ARG2: variants seen among roughly 807,000 people sequenced by gnomAD.
ARG2 encodes the protein arginase 2.
ARG2 carries 21 observed loss-of-function variants against 39.4 expected under a neutral mutation model. That is an observed-to-expected ratio of 0.53 (90% confidence interval 0.38 to 0.77). The LOEUF (loss-of-function observed/expected upper bound fraction) is 0.77, where lower values mean the gene tolerates loss of function less well. Ranked by LOEUF, ARG2 falls within the 30% of genes least tolerant of loss-of-function variation. ARG2 has a pLI of 0.00. For synonymous variants in ARG2, 150 were observed against 156.7 expected (o/e 0.96, Z 0.32); for missense variants, 378 against 426.2 (o/e 0.89, Z 1.00).
chr14:67,619,938 C>T lies in ARG2; in HGVS notation c.-40C>T, dbSNP rs2036788988. The T allele has an allele frequency of 4.3e-6, 6 of 1,398,542 alleles. No homozygotes were observed. The highest frequency in any genetic ancestry group is 2.7e-5 in the South Asian group (2 of 74,182). 86.6% of individuals were successfully genotyped at this position (1,398,542 alleles called of 1,614,324 possible). ...GGCGCTCACTCCCGGCTTCCAACCGCGCGGAGCCTCTGCCTTGGAGATTCT... is the reference window on the plus strand; with the variant it reads ...GGCGCTCACTCCCGGCTTCCAACCGTGCGGAGCCTCTGCCTTGGAGATTCT... On this transcript the variant is annotated 5_prime_UTR_variant, in exon 1 of 8. Coordinates refer to ENST00000261783, the MANE Select transcript of ARG2 (RefSeq NM_001172.4).
chr14:67,651,648 G>T lies in ARG2; in HGVS notation c.*728G>T. Reference sequence around the variant, plus strand: ...TAAGGTTCTTTAGCTGTCACTTAGGGATAACACTGTCTACCTCACAGAAAT... The same window carrying T: ...TAAGGTTCTTTAGCTGTCACTTAGGTATAACACTGTCTACCTCACAGAAAT... On this transcript the variant is annotated 3_prime_UTR_variant, in exon 8 of 8. Transcript: ENST00000261783. 1.7e-6 allele frequency: 1 copy of T among 601,188 alleles called. No homozygotes were observed. The highest frequency in any genetic ancestry group is 2.7e-6 in the Non-Finnish European group (1 of 363,670). 37.2% of individuals were successfully genotyped at this position (601,188 alleles called of 1,614,324 possible). A position where few individuals can be genotyped will look rare whatever the true frequency, so the allele number is the denominator to read the frequency against.
intron 3 of ARG2, among the ~76,000 whole-genome samples, chr14:67,642,793 C>CTT (rs869215946): frequency 0.027 from 2,030 of 75,480 alleles, 677 homozygotes; most frequent in Non-Finnish European, 0.036. Context: ...ACTACATTTT[C>CTT]TTTTTTTTTT....
intron 2 of ARG2, among the ~76,000 whole-genome samples, chr14:67,637,360 G>A (rs55695655): frequency 0.46 from 66,709 of 145,202 alleles, 17,602 homozygotes; most frequent in Non-Finnish European, 0.61. Context: ...GCAGTGAGCC[G>A]AGATCATGCC....
Position 67,620,020 on chromosome 14 carries a change from G to A in ARG2, c.43G>A (p.Val15Met). The A allele has an allele frequency of 6.2e-7, 1 of 1,611,804 alleles. No homozygotes were observed. The highest frequency in any genetic ancestry group is 8.5e-7 in the Non-Finnish European group (1 of 1,179,050). The change falls in exon 1 of 8, where the codon GTG becomes ATG. Residue 15 changes from valine to methionine, a missense_variant. Coordinates refer to ENST00000261783, the MANE Select transcript of ARG2 (RefSeq NM_001172.4). ...GSLSRLLQTR[V>M]HSILKKSVHS... ...CCTCTCGCGTCTCCTCCAGACGCGAGTGCATTCCATCCTGAAGAAATCCGT... is the reference window on the plus strand; with the variant it reads ...CCTCTCGCGTCTCCTCCAGACGCGAATGCATTCCATCCTGAAGAAATCCGT...
At chr14:67,642,091 G>A in intron 2 of ARG2, 95 bp from the exon 3 acceptor site, 4 of 1,176,832 alleles carry the variant, frequency 3.4e-6, no homozygotes, top group Non-Finnish European at 4.9e-6. Flanking sequence ...TGATTATGAT[G>A]TGTACTTTGT....
At position 67,620,905 on chromosome 14, in the gene ARG2, A is replaced by C; in HGVS notation, c.123A>C (p.Gly41=). The stretch of plus-strand genomic sequence containing the variant: ...TGTGTGACTGACAGAAAAGAAAAGG[A>C]GTGGAGCATGGTCCCGCTGCCATAA... ...APFSQGQKRK[G]VEHGPAAIRE... The change falls in exon 2 of 8, where the codon GGA becomes GGC. Residue 41 remains glycine, a synonymous_variant. Coordinates refer to ENST00000261783, the MANE Select transcript of ARG2 (RefSeq NM_001172.4). 6.2e-7 allele frequency: 1 copy of C among 1,614,150 alleles called. No individual in the cohort carries two copies. Among genetic ancestry groups the C allele is most frequent in the Non-Finnish European group, 8.5e-7 (1 of 1,179,996 alleles).
chr14:67,645,453 C>T (rs2037085277), intron 3 of ARG2, among the ~76,000 whole-genome samples, 190 bp from the exon 4 acceptor site: 1 of 152,204 alleles, frequency 6.6e-6, no homozygotes, highest in Non-Finnish European at 1.5e-5. Flanking sequence ...CTTCGAATCT[C>T]TAGGGCTTTA....
At chr14:67,638,262 A>G (rs546369451) in intron 2 of ARG2, among the ~76,000 whole-genome samples, 45 of 152,250 alleles carry the variant, frequency 3.0e-4, no homozygotes, top group African/African-American at 1.1e-3. Context: ...GGTGGCTCAC[A>G]TCTGTAATCC....
chr14:67,623,907 C>T (rs2036837345), intron 2 of ARG2, among the ~76,000 whole-genome samples: 1 of 152,086 alleles, frequency 6.6e-6, no homozygotes, highest in Admixed American at 6.6e-5. Flanking sequence ...GTGGCATAGT[C>T]ACAGCCTACT....
At chr14:67,621,774 C>A (rs776818250) in intron 2 of ARG2, among the ~76,000 whole-genome samples, 3 of 151,498 alleles carry the variant, frequency 2.0e-5, no homozygotes, top group Non-Finnish European at 4.4e-5. Context: ...TAAGGGAGAA[C>A]CCTTCTCTTA....
rs899040742 is a variant in ARG2 at position 67,651,649 on chromosome 14, A to G, written c.*729A>G. On this transcript the variant is annotated 3_prime_UTR_variant, in exon 8 of 8. Coordinates refer to ENST00000261783, the MANE Select transcript of ARG2 (RefSeq NM_001172.4). ...AAGGTTCTTTAGCTGTCACTTAGGG[A>G]TAACACTGTCTACCTCACAGAAATG... The G allele has an allele frequency of 1.7e-6, 1 of 600,596 alleles. No individual in the cohort carries two copies. The highest frequency in any genetic ancestry group is 2.8e-6 in the Non-Finnish European group (1 of 362,934). The allele number at this position is 600,596 out of a possible 1,614,324, so 37.2% of individuals were successfully genotyped here. A position where few individuals can be genotyped will look rare whatever the true frequency, so the allele number is the denominator to read the frequency against.
chr14:67,650,401 CCT>C, intron 7 of ARG2: 1 of 327,722 alleles, frequency 3.1e-6, no homozygotes, highest in Non-Finnish European at 5.7e-6. Context: ...AGGATGAAAA[CCT>C]CCCCCACCCA....
intron 2 of ARG2, among the ~76,000 whole-genome samples, chr14:67,639,367 A>T (rs1228781419): frequency 3.3e-5 from 5 of 152,150 alleles, no homozygotes; most frequent in African/African-American, 1.2e-4. Flanking sequence ...GTGCTTGGCA[A>T]ATAGTTCTGA....
At chr14:67,624,375 T>G (rs2036841704) in intron 2 of ARG2, among the ~76,000 whole-genome samples, 2 of 152,220 alleles carry the variant, frequency 1.3e-5, no homozygotes, top group African/African-American at 4.8e-5. Flanking sequence ...CTTGTACTTT[T>G]GTAAAGACAT....
At chr14:67,633,078 C>G (rs973967011) in intron 2 of ARG2, among the ~76,000 whole-genome samples, 5 of 151,936 alleles carry the variant, frequency 3.3e-5, no homozygotes, top group African/African-American at 1.2e-4. Context: ...CCTCGGCCTC[C>G]GAAAGTGCTG....
In ARG2 at chr14:67,642,324, C is replaced by T; in HGVS notation, c.323C>T (p.Ser108Leu). Residue 108 changes from serine (S) to leucine (L), a missense_variant, in exon 3 of 8, where the codon TCA (serine) becomes TTA (leucine). By Grantham distance (145) the Ser-to-Leu change is moderately radical. Transcript: ENST00000261783. ...GCTGAGGTGGTTAGCAGAGCTGTGTCAGATGGCTACAGCTGTGTCACACTG... is the reference window on the plus strand; with the variant it reads ...GCTGAGGTGGTTAGCAGAGCTGTGTTAGATGGCTACAGCTGTGTCACACTG... ...ELAEVVSRAV[S>L]DGYSCVTLGG... is the part of the protein sequence containing the mutation. 3 of 1,614,044 alleles carry T rather than the reference C, an allele frequency of 1.9e-6. No homozygotes were observed. Among genetic ancestry groups the T allele is most frequent in the Middle Eastern group, 3.3e-4 (2 of 6,022 alleles).
Position 67,619,928 on chromosome 14 carries a change from C to A in ARG2, c.-50C>A. ...GGCGGGCGGTGGCGCTCACTCCCGG[C>A]TTCCAACCGCGCGGAGCCTCTGCCT... On this transcript the variant is annotated 5_prime_UTR_variant, in exon 1 of 8. Transcript: ENST00000261783. 1.5e-6 allele frequency: 2 copies of A among 1,321,578 alleles called. No homozygotes were observed. The highest frequency in any genetic ancestry group is 2.0e-6 in the Non-Finnish European group (2 of 980,224). The allele number at this position is 1,321,578 out of a possible 1,614,324, so 81.9% of individuals were successfully genotyped here.
At position 67,651,160 on chromosome 14, in the gene ARG2, C is replaced by A; in HGVS notation, c.*240C>A. On this transcript the variant is annotated 3_prime_UTR_variant, in exon 8 of 8. Transcript: ENST00000261783. ...CAGTACTATGTAAATTTAAAGAAGT[C>A]ATAAACAGCATTTATTACCTTGGTA... The A allele has an allele frequency of 1.0e-6, 1 of 976,056 alleles. No homozygotes were observed. The highest frequency in any genetic ancestry group is 1.5e-6 in the Non-Finnish European group (1 of 679,564). The allele number at this position is 976,056 out of a possible 1,614,324, so 60.5% of individuals were successfully genotyped here.
At chr14:67,639,626 G>C (rs2037008643) in intron 2 of ARG2, among the ~76,000 whole-genome samples, 1 of 152,002 alleles carries the variant, frequency 6.6e-6, no homozygotes, top group African/African-American at 2.4e-5. Context: ...GTCCATTCAA[G>C]ATCTGTACAG....
Sources: gnomAD v4.1 joint callset for allele counts (sites outside exome capture counted in the v4.1 genomes callset) on GRCh38, gnomAD v4.1.1 for gene constraint, MANE v1.5 for transcripts, NCBI Gene and HGNC (gene_info 2026-07-23, HGNC 2026-07-21) for gene names.